PCDHA12: variants seen among roughly 807,000 people sequenced by gnomAD.
PCDHA12 encodes protocadherin alpha 12, also known as protocadherin alpha-12.
A neutral mutation model predicts 60.0 loss-of-function variants in PCDHA12; 44 were observed. The ratio of observed to expected loss-of-function variants is 0.73; its 90% CI spans 0.58 to 0.94. PCDHA12 has a LOEUF of 0.94. Ranked by LOEUF, PCDHA12 falls within the 40% of genes least tolerant of loss-of-function variation. The probability of loss-of-function intolerance (pLI) is 0.00; values close to 1 mark genes in which losing one functional copy is unlikely to be tolerated. For missense variants in PCDHA12, 1,276 were observed against 1,239.7 expected (o/e 1.03, Z -0.44); for synonymous variants, 569 against 553.0 (o/e 1.03, Z -0.40).
At chr5:140,946,452 T>C (rs2093945325) in intron 1 of PCDHA12, among the ~76,000 whole-genome samples, 1 of 151,436 alleles carries the variant, frequency 6.6e-6, no homozygotes. Flanking sequence ...AAAACAACTA[T>C]CCAGCAATCC....
At chr5:140,929,821 C>G (rs2086398950) in intron 1 of PCDHA12, 1 of 157,208 alleles carries the variant, frequency 6.4e-6, no homozygotes, top group Non-Finnish European at 1.4e-5. Context: ...AGAAAGGGAA[C>G]ATAAGAGAAC....
intron 3 of PCDHA12, among the ~76,000 whole-genome samples, chr5:140,991,894 C>T (rs1426754578): frequency 6.6e-6 from 1 of 152,164 alleles, no homozygotes; most frequent in Non-Finnish European, 1.5e-5. Context: ...AACAAATTAA[C>T]ACAAAATCCC....
chr5:141,000,395 CTATA>C (rs1190667031), intron 3 of PCDHA12, among the ~76,000 whole-genome samples: 54 of 53,974 alleles, frequency 1.0e-3, no homozygotes, highest in East Asian at 2.4e-3. Context: ...CTCTCTCTCT[CTATA>C]TATATATATA....
At chr5:141,008,751 AG>A (rs1234240078) in intron 3 of PCDHA12, among the ~76,000 whole-genome samples, 11 of 152,244 alleles carry the variant, frequency 7.2e-5, no homozygotes, top group African/African-American at 2.2e-4. Context: ...CACTGAGGGA[AG>A]GAATTTGGCT....
chr5:140,952,371 C>T (rs186648472), intron 1 of PCDHA12, among the ~76,000 whole-genome samples: 1 of 151,860 alleles, frequency 6.6e-6, no homozygotes, highest in African/African-American at 2.4e-5. Flanking sequence ...AAGAAATTTC[C>T]TCTGCCAGGT....
rs563652109 is a variant in PCDHA12 at position 140,884,316 on chromosome 5, C to G, written c.2367+6477C>G. 26 of 1,613,752 alleles carry G rather than the reference C, an allele frequency of 1.6e-5. 2 individuals carry two copies. The South Asian group carries it at 2.5e-4, about 16-fold the overall frequency. On this transcript the variant is annotated intron_variant, in intron 1 of 3. Transcript: ENST00000398631. ...GCGCCACAGGCTTCGTCGAGGGCGT[C>G]GGCAGGCGCTGTGGGTCCAGAAGCG...
chr5:141,001,520 C>G (rs542518188), intron 3 of PCDHA12, among the ~76,000 whole-genome samples: 1 of 152,300 alleles, frequency 6.6e-6, no homozygotes, highest in South Asian at 2.1e-4. Flanking sequence ...CTTTCTCCCT[C>G]TCTCTCTGAT....
rs1314333890 is a variant in PCDHA12, at chr5:141,000,908, T to TA, written c.2516-8708dup. ...GGGCAACAGATATAGACGCTGTCTCTAAAAAAAAAAATCCTGTGTGATTTA... is the reference window on the plus strand; with the variant it reads ...GGGCAACAGATATAGACGCTGTCTCTAAAAAAAAAAAATCCTGTGTGATTTA... On this transcript the variant is annotated intron_variant, in intron 3 of 3. Coordinates refer to ENST00000398631, the MANE Select transcript of PCDHA12 (RefSeq NM_018903.4). Among the ~76,000 whole-genome samples the TA allele has an allele frequency of 4.2e-4, 62 of 147,094 alleles. 1 individual carries two copies. Among genetic ancestry groups the TA allele is most frequent in the South Asian group, 3.0e-3 (14 of 4,626 alleles).
Position 141,010,126 on chromosome 5 carries a change from C to G in PCDHA12, c.*189C>G, listed in dbSNP as rs2098416139. ...TTTTGTCGTAAAAGCTTTACTAAGT[C>G]TGGTGTTAACTCTTTCTCTCCACTC... On this transcript the variant is annotated 3_prime_UTR_variant, in exon 4 of 4. Coordinates refer to ENST00000398631, the MANE Select transcript of PCDHA12 (RefSeq NM_018903.4). 1 of 1,602,246 alleles carries G rather than the reference C, an allele frequency of 6.2e-7. No homozygotes were observed. The highest frequency in any genetic ancestry group is 8.5e-7 in the Non-Finnish European group (1 of 1,173,654).
intron 1 of PCDHA12, among the ~76,000 whole-genome samples, chr5:140,919,654 C>CAT (rs1554199189): frequency 6.6e-6 from 1 of 151,822 alleles, no homozygotes; most frequent in African/African-American, 2.4e-5. Context: ...TAGAGTTTAC[C>CAT]ATATATATTT....
chr5:140,875,741 T>A lies in PCDHA12; in HGVS notation c.269T>A (p.Ile90Asn), dbSNP rs781967971. Residue 90 changes from isoleucine to asparagine, a missense_variant, in exon 1 of 4, where the codon ATC becomes AAC. Transcript: ENST00000398631. ...GGCATTTTGTTTGTGAATTCTCGGA[T>A]CGACCGCGAGAAGCTGTGCGGGCGG... ...QNGILFVNSR[I>N]DREKLCGRSA... 1.7e-5 allele frequency: 28 copies of A among 1,614,216 alleles called. No individual in the cohort carries two copies. Among genetic ancestry groups the A allele is most frequent in the Non-Finnish European group, 2.2e-5 (26 of 1,180,032 alleles).
chr5:140,926,680 A>C (rs2153583997), intron 1 of PCDHA12: 1 of 637,102 alleles, frequency 1.6e-6, no homozygotes, highest in Non-Finnish European at 2.4e-6. Flanking sequence ...CCCAGCCTCC[A>C]GCCTAGCAAG....
At chr5:140,949,117 T>C (rs1295254726) in intron 1 of PCDHA12, among the ~76,000 whole-genome samples, 2 of 151,762 alleles carry the variant, frequency 1.3e-5, no homozygotes, top group Admixed American at 6.6e-5. Context: ...CAAATATTTT[T>C]GGTTTTCCTA....
intron 1 of PCDHA12, among the ~76,000 whole-genome samples, chr5:140,893,520 T>G (rs1490032872): frequency 6.6e-6 from 1 of 152,152 alleles, no homozygotes; most frequent in Non-Finnish European, 1.5e-5. Flanking sequence ...GTTGTAGAAC[T>G]CCTTTAAGTA....
intron 1 of PCDHA12, among the ~76,000 whole-genome samples, chr5:140,961,023 A>G (rs1216128174): frequency 6.6e-6 from 1 of 152,146 alleles, no homozygotes. Flanking sequence ...GACACTTGCT[A>G]CCTCCTTGTT....
chr5:140,967,670 G>A (rs1554229754), intron 1 of PCDHA12: 1 of 1,614,092 alleles, frequency 6.2e-7, no homozygotes, highest in Non-Finnish European at 8.5e-7. Flanking sequence ...CTACACGTCG[G>A]ACCGGGAGAG....
chr5:140,882,818 A>G, intron 1 of PCDHA12: 1 of 1,614,226 alleles, frequency 6.2e-7, no homozygotes, highest in Non-Finnish European at 8.5e-7. Flanking sequence ...GGACGCACAA[A>G]ACAGTCTTGA....
chr5:140,951,141 T>G (rs2094552248), intron 1 of PCDHA12, among the ~76,000 whole-genome samples: 1 of 100,612 alleles, frequency 9.9e-6, no homozygotes, highest in Non-Finnish European at 2.0e-5. Context: ...TTCCTTTATC[T>G]TATTGAATAT....
chr5:140,926,723 C>G (rs1224901751), intron 1 of PCDHA12: 1 of 1,034,598 alleles, frequency 9.7e-7, no homozygotes, highest in Non-Finnish European at 1.3e-6. Flanking sequence ...CCGGCAATGC[C>G]GGCGTTCGGG....
Sources: allele counts gnomAD v4.1 joint callset (sites outside exome capture counted in the v4.1 genomes callset), GRCh38; gene constraint gnomAD v4.1.1; transcripts MANE v1.5; gene names NCBI Gene and HGNC (gene_info 2026-07-23, HGNC 2026-07-21).